The following VAT1L variants were observed in gnomAD, a reference collection of about 807,000 sequenced individuals.
VAT1L encodes putative NADPH-dependent quinone oxidoreductase VAT1L.
VAT1L carries 34 observed loss-of-function variants against 44.1 expected under a neutral mutation model. The observed-to-expected ratio is 0.77, with a 90% CI of 0.59 to 1.03. The LOEUF is 1.03. VAT1L is among the 50% of genes least tolerant of loss of function. The probability of loss-of-function intolerance (pLI) is 0.00; values close to 1 mark genes in which losing one functional copy is unlikely to be tolerated. For missense variants in VAT1L, 615 were observed against 538.8 expected (o/e 1.14, Z -1.40); for synonymous variants, 253 against 202.2 (o/e 1.25, Z -2.13).
chr16:77,896,638 T>A (rs186308391), intron 7 of VAT1L, among the ~76,000 whole-genome samples: 2 of 152,322 alleles, frequency 1.3e-5, no homozygotes, highest in East Asian at 3.9e-4. Flanking sequence ...GCGAAAGATT[T>A]CTGGGGCCTC....
In VAT1L at chr16:77,879,150, G is replaced by T; in HGVS notation, c.827-19G>T. On this transcript the variant is annotated intron_variant, in intron 5 of 8. Transcript: ENST00000302536. The surrounding 1 kb of genome is among the most constrained non-coding windows in gnomAD (Gnocchi z 4.1). ...ATTTTCATTAGCAATTGCTTAATGT[G>T]GGAATCTTTCATTTTCAGGCTCATC... 6.2e-7 allele frequency: 1 copy of T among 1,613,718 alleles called. No homozygotes were observed. Among genetic ancestry groups the T allele is most frequent in the Non-Finnish European group, 8.5e-7 (1 of 1,179,762 alleles).
intron 7 of VAT1L, among the ~76,000 whole-genome samples, chr16:77,948,668 C>G (rs1467608898): frequency 1.3e-5 from 2 of 152,138 alleles, no homozygotes; most frequent in African/African-American, 4.8e-5. Flanking sequence ...TTCCCTTTCT[C>G]ACTATTTTTC....
At chr16:77,838,954 G>A (rs2016671332) in intron 3 of VAT1L, among the ~76,000 whole-genome samples, 1 of 151,802 alleles carries the variant, frequency 6.6e-6, no homozygotes, top group Non-Finnish European at 1.5e-5. Flanking sequence ...TTGGTCTCTG[G>A]GTATTCCATA....
At chr16:77,819,512 G>A (rs981385610) in intron 2 of VAT1L, among the ~76,000 whole-genome samples, 1 of 151,994 alleles carries the variant, frequency 6.6e-6, no homozygotes, top group African/African-American at 2.4e-5. Flanking sequence ...CTCCTGAGTA[G>A]CTGGGATTAT....
chr16:77,967,108 C>T (rs900904575), intron 7 of VAT1L, among the ~76,000 whole-genome samples: 1 of 152,120 alleles, frequency 6.6e-6, no homozygotes, highest in Non-Finnish European at 1.5e-5. Flanking sequence ...GGAGCAATGT[C>T]TCTTTTGTGC....
At chr16:77,801,735 TC>T (rs2016059796) in intron 1 of VAT1L, 1 of 145,346 alleles carries the variant, frequency 6.9e-6, no homozygotes, top group East Asian at 2.0e-4. Flanking sequence ...AAAAAAAGCA[TC>T]CCTCATCTAG....
At chr16:77,790,309 G>A (rs933685696) in intron 1 of VAT1L, among the ~76,000 whole-genome samples, 3 of 152,150 alleles carry the variant, frequency 2.0e-5, no homozygotes, top group African/African-American at 7.2e-5. Context: ...CAAACCGGGG[G>A]ATCCTGTACA....
chr16:77,928,731 T>C (rs933507940), intron 7 of VAT1L, among the ~76,000 whole-genome samples: 1 of 144,092 alleles, frequency 6.9e-6, no homozygotes, highest in Admixed American at 7.3e-5. Flanking sequence ...ATGTCTTAAA[T>C]TGATGGGGGT....
chr16:77,967,200 C>G (rs2018232654), intron 7 of VAT1L, among the ~76,000 whole-genome samples: 1 of 152,110 alleles, frequency 6.6e-6, no homozygotes, highest in South Asian at 2.1e-4. Context: ...CTCTCAGATC[C>G]CCCATGGTTC....
intron 4 of VAT1L, among the ~76,000 whole-genome samples, chr16:77,873,747 T>G (rs2017057768): frequency 6.6e-6 from 1 of 152,138 alleles, no homozygotes; most frequent in Non-Finnish European, 1.5e-5. Flanking sequence ...TTACAGGTCC[T>G]CTGGAAAGAT....
chr16:77,931,013 T>C (rs1425999143), intron 7 of VAT1L, among the ~76,000 whole-genome samples: 1 of 152,206 alleles, frequency 6.6e-6, no homozygotes, highest in Admixed American at 6.5e-5. Flanking sequence ...GGTACCCTCC[T>C]CATTTTACAG....
In VAT1L at chr16:77,979,282, A is replaced by G. The variant is rs761674720; in HGVS notation, c.*1587A>G. ...GTGTATGTAAAATATGAAGACAAGA[A>G]AGGGTGCTTTCATCTGAGGAACCAA... On this transcript the variant is annotated 3_prime_UTR_variant, in exon 9 of 9. Coordinates refer to ENST00000302536, the MANE Select transcript of VAT1L (RefSeq NM_020927.3). 6.6e-6 allele frequency: 1 copy of G among 152,526 alleles called. No individual in the cohort carries two copies. Among genetic ancestry groups the G allele is most frequent in the Non-Finnish European group, 1.5e-5 (1 of 68,036 alleles). The allele number at this position is 152,526 out of a possible 1,614,324, so 9.4% of individuals were successfully genotyped here.
intron 4 of VAT1L, among the ~76,000 whole-genome samples, chr16:77,867,995 G>T (rs2016993092): frequency 6.6e-6 from 1 of 152,072 alleles, no homozygotes. Flanking sequence ...ACTTAAAGTG[G>T]AGTTACATCC....
intron 7 of VAT1L, among the ~76,000 whole-genome samples, chr16:77,941,859 G>T (rs1387421334): frequency 6.6e-6 from 1 of 152,136 alleles, no homozygotes; most frequent in African/African-American, 2.4e-5. Context: ...AGAGTGCCCA[G>T]ATTACAGACA....
At chr16:77,969,473 C>T (rs1445855323) in intron 7 of VAT1L, among the ~76,000 whole-genome samples, 1 of 152,014 alleles carries the variant, frequency 6.6e-6, no homozygotes, top group Admixed American at 6.6e-5. Flanking sequence ...GGTATCTGCT[C>T]CTCATTGACT....
intron 3 of VAT1L, among the ~76,000 whole-genome samples, chr16:77,854,319 C>A (rs936422873): frequency 6.6e-6 from 1 of 151,956 alleles, no homozygotes; most frequent in East Asian, 1.9e-4. Flanking sequence ...CAGTGACAAA[C>A]AAAGAAAAAG....
At chr16:77,902,484 T>A (rs1452459111) in intron 7 of VAT1L, among the ~76,000 whole-genome samples, 3 of 152,028 alleles carry the variant, frequency 2.0e-5, no homozygotes, top group African/African-American at 7.3e-5. Flanking sequence ...CAAAACCAAT[T>A]TAAATGCTTT....
At chr16:77,930,043 T>C (rs974849644) in intron 7 of VAT1L, among the ~76,000 whole-genome samples, 14 of 152,126 alleles carry the variant, frequency 9.2e-5, no homozygotes, top group African/African-American at 3.1e-4. Flanking sequence ...CTCCAACCAA[T>C]ACCCATAGCC....
intron 5 of VAT1L, among the ~76,000 whole-genome samples, chr16:77,878,555 T>A (rs1232295191): frequency 2.0e-5 from 3 of 151,942 alleles, no homozygotes; most frequent in African/African-American, 7.2e-5. Flanking sequence ...ATCTGCCCTC[T>A]GAATACTGCT....
Sources: allele counts gnomAD v4.1 joint callset (sites outside exome capture counted in the v4.1 genomes callset), GRCh38; gene constraint gnomAD v4.1.1; non-coding constraint Gnocchi (gnomAD v3.1); transcripts MANE v1.5; gene names NCBI Gene and HGNC (gene_info 2026-07-23, HGNC 2026-07-21).